Variants in NDFIP1 observed in about 807,000 individuals in gnomAD.
NDFIP1 encodes Nedd4 family interacting protein 1.
Under a neutral mutation model 28.8 loss-of-function variants are expected in NDFIP1, and 7 were observed. The ratio of observed to expected loss-of-function variants is 0.24; its 90% confidence interval spans 0.14 to 0.46. NDFIP1 has a LOEUF of 0.46. Ranked by LOEUF, NDFIP1 falls within the 20% of genes least tolerant of loss-of-function variation. The probability of loss-of-function intolerance (pLI) is 0.99; values close to 1 mark genes in which losing one functional copy is unlikely to be tolerated. For synonymous variants in NDFIP1, 92 were observed against 101.0 expected (o/e 0.91, Z 0.53); for missense variants, 194 against 269.1 (o/e 0.72, Z 1.95).
intron 6 of NDFIP1, chr5:142,143,993 TTAATAATAATAATAATAATAA>T (rs61139878): frequency 3.8e-4 from 56 of 148,176 alleles, no homozygotes; most frequent in African/African-American, 1.3e-3. Context: ...ACCCTGTCTG[TTAATAATAATAATAATAATAA>T]TAATAATAAT....
At chr5:142,139,320 T>C (rs773059921) in intron 5 of NDFIP1, among the ~76,000 whole-genome samples, 31 of 152,182 alleles carry the variant, frequency 2.0e-4, no homozygotes, top group Middle Eastern at 3.2e-3. Context: ...AAAAAAATTT[T>C]TAATTGTTTT....
chr5:142,125,503 A>G (rs1387150733), intron 1 of NDFIP1, among the ~76,000 whole-genome samples: 1 of 152,024 alleles, frequency 6.6e-6, no homozygotes, highest in Non-Finnish European at 1.5e-5. Flanking sequence ...GCTGGATCAC[A>G]GGTGTGCCGC....
chr5:142,116,670 A>G (rs557297202), intron 1 of NDFIP1, among the ~76,000 whole-genome samples: 2 of 151,656 alleles, frequency 1.3e-5, no homozygotes, highest in Admixed American at 1.3e-4. Context: ...CTACCTTCAT[A>G]TGTATTTTTC....
intron 6 of NDFIP1, chr5:142,143,014 G>T (rs1231600386): frequency 1.4e-5 from 2 of 143,810 alleles, no homozygotes; most frequent in African/African-American, 5.2e-5. Flanking sequence ...CCCAATATTC[G>T]GGTCATTTTG....
intron 7 of NDFIP1, among the ~76,000 whole-genome samples, chr5:142,150,620 C>T (rs983889774): frequency 5.3e-5 from 8 of 149,914 alleles, no homozygotes; most frequent in African/African-American, 9.8e-5. Context: ...CAGTCACTTG[C>T]GGGGCTGAGG....
chr5:142,115,617 A>G (rs1757059514), intron 1 of NDFIP1, among the ~76,000 whole-genome samples: 1 of 152,174 alleles, frequency 6.6e-6, no homozygotes, highest in Admixed American at 6.5e-5. Context: ...ATTTAGATAA[A>G]GCAACTTTAA....
chr5:142,137,594 G>C (rs1757289572), intron 4 of NDFIP1, 140 bp from the exon 5 acceptor site: 2 of 937,740 alleles, frequency 2.1e-6, no homozygotes, highest in Admixed American at 4.7e-5. Context: ...GGATGTTTTA[G>C]AGGAGGTATG....
At chr5:142,132,056 C>A in intron 2 of NDFIP1, 156 bp from the exon 3 acceptor site, 1 of 1,045,550 alleles carries the variant, frequency 9.6e-7, no homozygotes, top group East Asian at 2.6e-5. Flanking sequence ...AAAATCACCC[C>A]CAGTCTCTTA....
rs1283448110 is a variant in NDFIP1, at chr5:142,135,821, AGTAT to A, written c.370+10_370+13del. On this transcript the variant is annotated splice_donor_5th_base_variant and intron_variant, in intron 4 of 7. Transcript: ENST00000253814. ...ATTTTCATGTTAACTTTTTTCAGTA[AGTAT>A]GTATGCATATCAGAACCACCCCCTA... is the stretch of plus-strand genomic sequence containing the variant. 2.5e-6 allele frequency: 4 copies of A among 1,608,508 alleles called. No homozygotes were observed. The Admixed American group carries it at 6.7e-5, about 27-fold the overall frequency.
At chr5:142,114,203 C>T (rs1235387515) in intron 1 of NDFIP1, among the ~76,000 whole-genome samples, 5 of 152,130 alleles carry the variant, frequency 3.3e-5, no homozygotes, top group African/African-American at 1.2e-4. Context: ...TCTCCATATC[C>T]TCAACATACT....
intron 1 of NDFIP1, among the ~76,000 whole-genome samples, chr5:142,122,024 C>T (rs985784566): frequency 1.3e-5 from 2 of 152,208 alleles, no homozygotes; most frequent in Admixed American, 6.5e-5. Flanking sequence ...TCTTTTTCTT[C>T]TCCCATTTCT....
In NDFIP1 at chr5:142,133,101, G is replaced by A. The variant is rs140477188; in HGVS notation, c.282+759G>A. ...AGTACAGAAGCCTAGTCTGGGCAGT[G>A]TGATGGCATAGGCCCAGATGTTCCC... On this transcript the variant is annotated intron_variant, in intron 3 of 7. Transcript: ENST00000253814. 9.3e-4 allele frequency among the ~76,000 whole-genome samples: 142 copies of A among 152,370 alleles called. 2 individuals are homozygous for A. In the East Asian group the frequency reaches 0.025, roughly 27 times the overall value.
At chr5:142,141,388 G>T (rs1757328808) in intron 6 of NDFIP1, among the ~76,000 whole-genome samples, 1 of 151,744 alleles carries the variant, frequency 6.6e-6, no homozygotes, top group African/African-American at 2.4e-5. Flanking sequence ...GTGTTGGCCA[G>T]GATGGTCTCG....
At chr5:142,140,963 A>C (rs995516291) in intron 6 of NDFIP1, among the ~76,000 whole-genome samples, 6 of 152,094 alleles carry the variant, frequency 3.9e-5, no homozygotes, top group Admixed American at 2.6e-4. Flanking sequence ...TCACAGACTC[A>C]AACCAGAATT....
chr5:142,125,406 C>T (rs901439872), intron 1 of NDFIP1, among the ~76,000 whole-genome samples: 2 of 152,164 alleles, frequency 1.3e-5, no homozygotes, highest in East Asian at 3.9e-4. Flanking sequence ...CACTCTGTTG[C>T]TCAGACTGAG....
chr5:142,145,557 G>A lies in NDFIP1; in HGVS notation c.*2+881G>A, dbSNP rs115430285. ...AGGTCTTAGGCAAAGCATTATAAAGGATAGGTGGTGTAGTTCAGATAAACT... is the reference window on the plus strand; with the variant it reads ...AGGTCTTAGGCAAAGCATTATAAAGAATAGGTGGTGTAGTTCAGATAAACT... On this transcript the variant is annotated intron_variant, in intron 7 of 7. Coordinates refer to ENST00000253814, the MANE Select transcript of NDFIP1 (RefSeq NM_030571.4). Among the ~76,000 whole-genome samples the A allele has an allele frequency of 2.7e-3, 408 of 152,246 alleles. 2 individuals are homozygous for A. The highest frequency in any genetic ancestry group is 9.4e-3 in the African/African-American group (390 of 41,550).
chr5:142,138,403 G>A (rs1011374145), intron 5 of NDFIP1, among the ~76,000 whole-genome samples: 1 of 152,212 alleles, frequency 6.6e-6, no homozygotes, highest in Non-Finnish European at 1.5e-5. Flanking sequence ...AGTGACTTCA[G>A]AGTTACCAGT....
At chr5:142,134,280 G>A (rs1757253276) in intron 3 of NDFIP1, among the ~76,000 whole-genome samples, 1 of 152,176 alleles carries the variant, frequency 6.6e-6, no homozygotes. Flanking sequence ...AGGAAGAACA[G>A]TTAGAAGGTG....
intron 3 of NDFIP1, among the ~76,000 whole-genome samples, chr5:142,134,598 TACA>T (rs1447504055): frequency 6.6e-6 from 1 of 152,194 alleles, no homozygotes; most frequent in Non-Finnish European, 1.5e-5. Context: ...CTTTTCTGTG[TACA>T]ACAAGTTTTG....
Sources: gnomAD v4.1 joint callset for allele counts (sites outside exome capture counted in the v4.1 genomes callset) on GRCh38, gnomAD v4.1.1 for gene constraint, MANE v1.5 for transcripts, NCBI Gene and HGNC (gene_info 2026-07-23, HGNC 2026-07-21) for gene names.